Variants in SRGAP3 observed in about 807,000 individuals in gnomAD.
The protein encoded by SRGAP3 is SLIT-ROBO Rho GTPase activating protein 3.
SRGAP3 carries 39 observed loss-of-function variants against 121.1 expected under a neutral mutation model. The ratio of observed to expected loss-of-function variants is 0.32; its 90% confidence interval spans 0.25 to 0.42. SRGAP3 has a LOEUF of 0.42. SRGAP3 is among the 10% of genes least tolerant of loss of function. SRGAP3 has a pLI of 1.00. For synonymous variants in SRGAP3, 601 were observed against 570.0 expected, an observed-to-expected ratio of 1.05 and a Z score of -0.77; for missense variants, 1,213 against 1,470.6, an observed-to-expected ratio of 0.82 and a Z score of 2.86.
intron 3 of SRGAP3, among the ~76,000 whole-genome samples, chr3:9,102,823 G>A (rs774874646): frequency 6.6e-6 from 1 of 152,168 alleles, no homozygotes; most frequent in Non-Finnish European, 1.5e-5. Context: ...TATCTCACTT[G>A]TCCCAGGGCT....
chr3:9,258,178 T>C (rs745675235), intron 3 of SRGAP3, among the ~76,000 whole-genome samples: 7 of 152,200 alleles, frequency 4.6e-5, no homozygotes, highest in African/African-American at 1.2e-4. Context: ...TGGGATCTCA[T>C]GTAAGGGCAC....
chr3:9,124,954 G>A (rs759676004), intron 1 of SRGAP3, 37 bp from the exon 2 acceptor site: 8 of 1,612,238 alleles, frequency 5.0e-6, no homozygotes, highest in Non-Finnish European at 6.8e-6. Flanking sequence ...GAGACTGGTG[G>A]TGGGGACGGG....
At chr3:9,171,994 C>T (rs1027775753) in intron 1 of SRGAP3, among the ~76,000 whole-genome samples, 10 of 152,012 alleles carry the variant, frequency 6.6e-5, no homozygotes, top group African/African-American at 1.9e-4. Flanking sequence ...GATTCATGCT[C>T]CCATGGCCTT....
intron 4 of SRGAP3, 95 bp from the exon 5 acceptor site, chr3:9,064,676 G>C: frequency 1.4e-6 from 2 of 1,445,910 alleles, no homozygotes; most frequent in Middle Eastern, 2.2e-4. Context: ...CTACACTCTA[G>C]CTGGCCACTG....
chr3:9,356,499 C>CAA (rs2030522724), intron 1 of SRGAP3, among the ~76,000 whole-genome samples: 3 of 150,182 alleles, frequency 2.0e-5, no homozygotes, highest in African/African-American at 7.4e-5. Context: ...CAGCCTCCTG[C>CAA]GTAGCTGGGA....
chr3:8,994,567 G>C, intron 18 of SRGAP3, 44 bp from the exon 19 acceptor site: 2 of 1,605,082 alleles, frequency 1.2e-6, no homozygotes, highest in Non-Finnish European at 1.7e-6. Context: ...GGTCAGCAAA[G>C]TGGCAGCTCA....
Position 9,184,991 on chromosome 3 carries a change from T to G in SRGAP3, c.68-60074A>C, listed in dbSNP as rs139210009. 7.3e-3 allele frequency among the ~76,000 whole-genome samples: 1,113 copies of G among 152,270 alleles called. 23 individuals carry two copies. Among genetic ancestry groups the G allele is most frequent in the Admixed American group, 0.04 (614 of 15,288 alleles). The stretch of plus-strand genomic sequence containing the variant: ...TATTGGTCATCTCCCTAGTATACCT[T>G]GTTCTTCCCATCCTCCCTCCCCAGA... On this transcript the variant is annotated intron_variant, in intron 1 of 21. Transcript: ENST00000383836.
intron 3 of SRGAP3, among the ~76,000 whole-genome samples, chr3:9,270,167 T>C (rs1183088685): frequency 6.6e-6 from 1 of 152,146 alleles, no homozygotes; most frequent in Non-Finnish European, 1.5e-5. Context: ...CTATAGGAAA[T>C]GGGTCTGAGC....
At chr3:9,015,802 G>A in intron 14 of SRGAP3, 71 bp from the exon 15 acceptor site, 1 of 1,592,416 alleles carries the variant, frequency 6.3e-7, no homozygotes. Flanking sequence ...GATGGCCGAA[G>A]AGATGACCTG....
rs182364280 is a variant in SRGAP3, at chr3:9,047,567, G to A, written c.1324-92C>T. The stretch of plus-strand genomic sequence containing the variant: ...AACTGACCTCTGGGACACGGAAGCC[G>A]AACAGAGATCACGTCACCCGCAGGG... On this transcript the variant is annotated intron_variant, in intron 9 of 21. Coordinates refer to ENST00000383836, the MANE Select transcript of SRGAP3 (RefSeq NM_014850.4). 7.8e-5 allele frequency: 102 copies of A among 1,306,168 alleles called. No individual in the cohort carries two copies. The African/African-American group carries it at 9.9e-4, about 13-fold the overall frequency. The allele number at this position is 1,306,168 out of a possible 1,614,324, so 80.9% of individuals were successfully genotyped here.
At chr3:9,357,388 G>C (rs924094710) in intron 1 of SRGAP3, among the ~76,000 whole-genome samples, 3 of 152,016 alleles carry the variant, frequency 2.0e-5, no homozygotes, top group Non-Finnish European at 2.9e-5. Flanking sequence ...AAAGACATGT[G>C]GTCTTTCGTG....
At chr3:9,015,490 G>A (rs1400860013) in intron 15 of SRGAP3, 107 bp downstream of exon 15, 20 of 1,445,638 alleles carry the variant, frequency 1.4e-5, no homozygotes, top group Admixed American at 3.5e-5. Context: ...GTCACACTTC[G>A]CCTTTCATAA....
intron 1 of SRGAP3, among the ~76,000 whole-genome samples, chr3:9,180,215 G>A (rs929006491): frequency 3.9e-5 from 6 of 152,248 alleles, no homozygotes; most frequent in African/African-American, 1.2e-4. Context: ...ACAAGATTGA[G>A]GAGGGAACAC....
intron 3 of SRGAP3, among the ~76,000 whole-genome samples, chr3:9,294,398 G>C (rs1213822347): frequency 6.6e-6 from 1 of 152,030 alleles, no homozygotes; most frequent in Non-Finnish European, 1.5e-5. Context: ...AGGAGGGAGA[G>C]GATCAAGAAA....
At chr3:9,155,978 G>A (rs1193282744) in intron 1 of SRGAP3, among the ~76,000 whole-genome samples, 1 of 152,076 alleles carries the variant, frequency 6.6e-6, no homozygotes, top group Non-Finnish European at 1.5e-5. Context: ...ACCACGCCCC[G>A]CTAATTTTTT....
chr3:9,041,334 C>T (rs899399660), intron 10 of SRGAP3, among the ~76,000 whole-genome samples: 4 of 152,262 alleles, frequency 2.6e-5, no homozygotes, highest in Admixed American at 2.6e-4. Context: ...GCCTCCGACC[C>T]AGGGACTCCC....
At chr3:9,191,645 C>T (rs1202841847) in intron 1 of SRGAP3, among the ~76,000 whole-genome samples, 1 of 152,148 alleles carries the variant, frequency 6.6e-6, no homozygotes, top group Non-Finnish European at 1.5e-5. Context: ...CATGAATGTG[C>T]AAGCTAAATA....
chr3:9,024,064 A>T (rs1229961074), intron 14 of SRGAP3, among the ~76,000 whole-genome samples: 1 of 152,250 alleles, frequency 6.6e-6, no homozygotes, highest in Non-Finnish European at 1.5e-5. Flanking sequence ...GAGCTAGGTA[A>T]TAAGTAGGAA....
Position 9,210,959 on chromosome 3 carries a change from C to A in SRGAP3, c.67+37926G>T, listed in dbSNP as rs553224566. ...GCAATCATAATAGTATACATTAGTA[C>A]GTACTAAAAACAAAAAAATCCGGAG... On this transcript the variant is annotated intron_variant, in intron 1 of 21. Coordinates refer to ENST00000383836, the MANE Select transcript of SRGAP3 (RefSeq NM_014850.4). 1.8e-4 allele frequency among the ~76,000 whole-genome samples: 27 copies of A among 152,176 alleles called. No homozygotes were observed. The East Asian group carries it at 4.6e-3, about 26-fold the overall frequency.
Sources: gnomAD v4.1 joint callset for allele counts (sites outside exome capture counted in the v4.1 genomes callset) on GRCh38, gnomAD v4.1.1 for gene constraint, MANE v1.5 for transcripts, NCBI Gene and HGNC (gene_info 2026-07-23, HGNC 2026-07-21) for gene names.